Variants in DYNC2I1 observed in about 807,000 individuals in gnomAD.
DYNC2I1 encodes cytoplasmic dynein 2 intermediate chain 1.
A neutral mutation model predicts 133.4 loss-of-function variants in DYNC2I1; 89 were observed. That is an observed-to-expected ratio of 0.67 (90% CI 0.56 to 0.80). The LOEUF (loss-of-function observed/expected upper bound fraction) is 0.80. Among genes scored for constraint, DYNC2I1 ranks in the 30% least tolerant of loss-of-function variants. DYNC2I1 has a pLI of 0.00. For synonymous variants in DYNC2I1, 504 were observed against 484.3 expected, an observed-to-expected ratio of 1.04 and a Z score of -0.54; for missense variants, 1,291 against 1,314.5, an observed-to-expected ratio of 0.98 and a Z score of 0.28.
At chr7:158,929,819 A>G (rs1850035895) in intron 20 of DYNC2I1, among the ~76,000 whole-genome samples, 1 of 152,214 alleles carries the variant, frequency 6.6e-6, no homozygotes, top group Admixed American at 6.5e-5. Context: ...ACAGGAGGCA[A>G]AACCAGTGGG....
intron 23 of DYNC2I1, among the ~76,000 whole-genome samples, chr7:158,937,344 A>G (rs750091016): frequency 2.2e-4 from 34 of 152,180 alleles, no homozygotes; most frequent in Non-Finnish European, 3.1e-4. Flanking sequence ...TACACAATCA[A>G]TGCTGGGCGC....
intron 5 of DYNC2I1, among the ~76,000 whole-genome samples, chr7:158,880,990 C>T (rs1283163524): frequency 1.3e-5 from 2 of 152,168 alleles, no homozygotes; most frequent in Non-Finnish European, 2.9e-5. Context: ...AGCGCAGGAC[C>T]CGGATCTCCT....
chr7:158,915,152 G>A (rs1280733831), intron 14 of DYNC2I1, among the ~76,000 whole-genome samples: 3 of 151,888 alleles, frequency 2.0e-5, no homozygotes, highest in Non-Finnish European at 4.4e-5. Flanking sequence ...AAGGATGATT[G>A]TGAAATGTCA....
At position 158,893,663 on chromosome 7, in the gene DYNC2I1, C is replaced by T. The variant is rs79031549; in HGVS notation, c.1059+2330C>T. 6.1e-3 allele frequency among the ~76,000 whole-genome samples: 929 copies of T among 152,110 alleles called. 58 individuals are homozygous for T. In the East Asian group the frequency reaches 0.13, roughly 21 times the overall value. Reference sequence around the variant, plus strand: ...CCACATATCGTACTGCATGTCACACCGCATATCATACCATATATCATAGTG... The same window carrying T: ...CCACATATCGTACTGCATGTCACACTGCATATCATACCATATATCATAGTG... On this transcript the variant is annotated intron_variant, in intron 8 of 24. Coordinates refer to ENST00000407559, the MANE Select transcript of DYNC2I1 (RefSeq NM_018051.5).
At chr7:158,926,878 C>A in intron 19 of DYNC2I1, 114 bp from the exon 20 acceptor site, 1 of 719,264 alleles carries the variant, frequency 1.4e-6, no homozygotes, top group African/African-American at 1.8e-5. Context: ...TTTTCTGGAG[C>A]AGTTATGTTT....
chr7:158,840,911 C>T, the DYNC2I1 span, among the ~76,000 whole-genome samples: 1 of 152,130 alleles, frequency 6.6e-6, no homozygotes, highest in Non-Finnish European at 1.5e-5. Flanking sequence ...AGAGCAATGC[C>T]CACGGAGGCC....
rs558504222 is a variant in DYNC2I1 at position 158,916,064 on chromosome 7, T to C, written c.1791+1743T>C. ...TGAGATTAAGGATGATTGTGAAACG[T>C]TGACACGCTGGTTGAGATTAAGGAT... On this transcript the variant is annotated intron_variant, in intron 14 of 24. Coordinates refer to ENST00000407559, the MANE Select transcript of DYNC2I1 (RefSeq NM_018051.5). Among the ~76,000 whole-genome samples the C allele has an allele frequency of 3.4e-3, 253 of 73,936 alleles. 57 individuals carry two copies. Among genetic ancestry groups the C allele is most frequent in the African/African-American group, 0.012 (241 of 19,842 alleles). 48.5% of individuals were successfully genotyped at this position (73,936 alleles called of 152,430 possible). A position where few individuals can be genotyped will look rare whatever the true frequency, so the allele number is the denominator to read the frequency against.
At chr7:158,958,233 C>G (rs139356907), downstream of DYNC2I1, among the ~76,000 whole-genome samples, 5 of 152,152 alleles carry the variant, frequency 3.3e-5, no homozygotes, top group Non-Finnish European at 5.9e-5. Context: ...TGAGGTGCAC[C>G]TTGATTCCAG....
At chr7:158,948,218 G>A (rs906044731), downstream of DYNC2I1, among the ~76,000 whole-genome samples, 6 of 152,208 alleles carry the variant, frequency 3.9e-5, no homozygotes, top group Admixed American at 3.3e-4. Flanking sequence ...CCGACAGTGC[G>A]GGAGGCGGTT....
In DYNC2I1 at chr7:158,884,628, T is replaced by C. The variant is rs757573758; in HGVS notation, c.935+9T>C. 4.3e-6 allele frequency: 7 copies of C among 1,612,984 alleles called. No individual in the cohort carries two copies. The Admixed American group carries it at 6.7e-5, about 15-fold the overall frequency. On this transcript the variant is annotated intron_variant, in intron 6 of 24. Transcript: ENST00000407559. ...GATGGGACCAGCAGCCAGTAAGGAT[T>C]GCATGCCCTGTGGTCGACCTTTACG...
intron 4 of DYNC2I1, among the ~76,000 whole-genome samples, chr7:158,879,477 A>G (rs1843774107): frequency 6.6e-6 from 1 of 152,180 alleles, no homozygotes; most frequent in Non-Finnish European, 1.5e-5. Context: ...CCCTAATGCA[A>G]TATAAATGAG....
intron 5 of DYNC2I1, among the ~76,000 whole-genome samples, chr7:158,883,055 T>C (rs908325370): frequency 6.6e-6 from 1 of 152,110 alleles, no homozygotes; most frequent in Non-Finnish European, 1.5e-5. Context: ...AACTGAGTAC[T>C]CTGAACCTAC....
rs1848549501 is a variant in DYNC2I1, at chr7:158,917,411, C to G, written c.1792-1329C>G. 4.5e-5 allele frequency among the ~76,000 whole-genome samples: 5 copies of G among 109,982 alleles called. No individual in the cohort carries two copies. The South Asian group carries it at 1.7e-3, about 37-fold the overall frequency. 72.2% of individuals were successfully genotyped at this position (109,982 alleles called of 152,430 possible). ...ACCCTCTGCCTCTCACTAAACACCT[C>G]CTGTCCTCCACACTCCACCCTCCGC... On this transcript the variant is annotated intron_variant, in intron 14 of 24. Coordinates refer to ENST00000407559, the MANE Select transcript of DYNC2I1 (RefSeq NM_018051.5).
chr7:158,883,255 T>A (rs1322093290), intron 5 of DYNC2I1, among the ~76,000 whole-genome samples: 1 of 150,666 alleles, frequency 6.6e-6, no homozygotes, highest in Non-Finnish European at 1.5e-5. Flanking sequence ...TCTCACTGTA[T>A]CGCCCAGGCC....
At chr7:158,869,328 A>C in intron 1 of DYNC2I1, 1 of 394,156 alleles carries the variant, frequency 2.5e-6, no homozygotes, top group Non-Finnish European at 5.2e-6. Flanking sequence ...GCCTCTCCCC[A>C]GGGCTGCTTC....
intron 10 of DYNC2I1, among the ~76,000 whole-genome samples, chr7:158,905,600 AT>A (rs1280140573): frequency 2.0e-5 from 3 of 152,158 alleles, no homozygotes; most frequent in Non-Finnish European, 4.4e-5. Flanking sequence ...TTCAATATTA[AT>A]TTGCACTTGT....
At chr7:158,935,681 G>T (rs1585229853) in intron 23 of DYNC2I1, among the ~76,000 whole-genome samples, 1 of 152,340 alleles carries the variant, frequency 6.6e-6, no homozygotes, top group African/African-American at 2.4e-5. Flanking sequence ...GCTGTTGGGA[G>T]CCTGGAATGT....
chr7:158,889,980 T>C (rs1585048415), intron 7 of DYNC2I1, among the ~76,000 whole-genome samples: 1 of 124,372 alleles, frequency 8.0e-6, no homozygotes, highest in South Asian at 2.7e-4. Context: ...CACTCCAACC[T>C]GGGCCACGGA....
chr7:158,909,109 TCAC>T (rs1847126135), intron 11 of DYNC2I1, among the ~76,000 whole-genome samples: 1 of 151,736 alleles, frequency 6.6e-6, no homozygotes, highest in Non-Finnish European at 1.5e-5. Flanking sequence ...GGCGGGCGGA[TCAC>T]CTGAGGTCAG....
Sources: allele counts gnomAD v4.1 joint callset (sites outside exome capture counted in the v4.1 genomes callset), GRCh38; gene constraint gnomAD v4.1.1; transcripts MANE v1.5; gene names NCBI Gene and HGNC (gene_info 2026-07-23, HGNC 2026-07-21).